Variants in EMSY observed in about 807,000 individuals in gnomAD.
EMSY encodes the protein EMSY transcriptional repressor, BRCA2 interacting.
Under a neutral mutation model 134.6 loss-of-function variants are expected in EMSY, and 26 were observed. The observed-to-expected ratio is 0.19, with a 90% confidence interval of 0.14 to 0.27. The LOEUF (loss-of-function observed/expected upper bound fraction) is 0.27, where lower values mean the gene tolerates loss of function less well. Ranked by LOEUF, EMSY falls within the 10% of genes least tolerant of loss-of-function variation. The probability of loss-of-function intolerance (pLI) is 1.00; values close to 1 mark genes in which losing one functional copy is unlikely to be tolerated. For missense variants in EMSY, 1,305 were observed against 1,611.4 expected (o/e 0.81, Z 3.26); for synonymous variants, 579 against 577.8 (o/e 1.00, Z -0.03).
At chr11:76,537,402 C>T (rs1037495244) in intron 15 of EMSY, among the ~76,000 whole-genome samples, 1 of 152,022 alleles carries the variant, frequency 6.6e-6, no homozygotes, top group Non-Finnish European at 1.5e-5. Flanking sequence ...TAGATGTGTC[C>T]TAGAGCAAAT....
chr11:76,536,878 T>TTTG (rs139186916), intron 15 of EMSY, among the ~76,000 whole-genome samples: 1 of 152,150 alleles, frequency 6.6e-6, no homozygotes, highest in Non-Finnish European at 1.5e-5. Context: ...CTTTTGTATT[T>TTTG]TTGTTGTTGT....
At chr11:76,546,010 G>A (rs955579059) in exon 20 of EMSY, 6 of 1,614,168 alleles carry the variant, frequency 3.7e-6, no homozygotes, top group Admixed American at 1.7e-5. Context: ...TGATACAAAT[G>A]TAGAACATAT....
chr11:76,474,203 A>G (rs1020702201), intron 8 of EMSY, among the ~76,000 whole-genome samples: 1 of 151,924 alleles, frequency 6.6e-6, no homozygotes, highest in Non-Finnish European at 1.5e-5. Flanking sequence ...TGTTCCTCCC[A>G]TATGAAAGAC....
At chr11:76,522,382 T>C (rs932811342) in intron 11 of EMSY, among the ~76,000 whole-genome samples, 84 of 131,512 alleles carry the variant, frequency 6.4e-4, no homozygotes, top group Non-Finnish European at 1.1e-3. Flanking sequence ...TTTTTTTTTT[T>C]CTTGAGATCG....
intron 8 of EMSY, among the ~76,000 whole-genome samples, chr11:76,484,357 A>G (rs1198474214): frequency 5.3e-5 from 8 of 152,232 alleles, no homozygotes; most frequent in African/African-American, 1.4e-4. Flanking sequence ...AAGCAAGAGC[A>G]AACACATTCA....
chr11:76,510,316 C>T (rs1181832417), intron 9 of EMSY, among the ~76,000 whole-genome samples: 10 of 152,330 alleles, frequency 6.6e-5, no homozygotes, highest in Non-Finnish European at 1.2e-4. Flanking sequence ...CACCATTGCA[C>T]TCTACCTTGG....
At position 76,546,308 on chromosome 11, in the gene EMSY, G is replaced by A. The variant is rs2136837686; in HGVS notation, c.3774+11G>A. ...GAAATTATCATCCAGGTAAGAATTG[G>A]AAGGAAAATGAGAAATCTTGTGCAT... On this transcript the variant is annotated intron_variant, in intron 20 of 20. Transcript: ENST00000334736. 1 of 1,595,464 alleles carries A rather than the reference G, an allele frequency of 6.3e-7. No individual in the cohort carries two copies. The highest frequency in any genetic ancestry group is 8.5e-7 in the Non-Finnish European group (1 of 1,171,350).
chr11:76,523,920 T>C (rs928730754), intron 12 of EMSY, among the ~76,000 whole-genome samples: 3 of 151,800 alleles, frequency 2.0e-5, no homozygotes, highest in African/African-American at 7.3e-5. Context: ...TGTAGTAGCA[T>C]GCACCTGTAG....
At chr11:76,496,492 A>G (rs1358316193) in intron 9 of EMSY, 23 bp downstream of exon 10, 3 of 1,611,944 alleles carry the variant, frequency 1.9e-6, no homozygotes, top group Non-Finnish European at 2.5e-6. Flanking sequence ...TGTTTATAAG[A>G]TATGGTAATT....
At chr11:76,468,374 A>G (rs776117922) in intron 7 of EMSY, among the ~76,000 whole-genome samples, 2 of 152,220 alleles carry the variant, frequency 1.3e-5, no homozygotes, top group African/African-American at 2.4e-5. Flanking sequence ...CATTCATTCC[A>G]CAAATATTTA....
At chr11:76,462,904 A>G (rs72944758) in intron 6 of EMSY, among the ~76,000 whole-genome samples, 6,007 of 152,348 alleles carry the variant, frequency 0.039, 166 homozygotes, top group Non-Finnish European at 0.057. Flanking sequence ...TTTTGCAACT[A>G]GTAGTAGGAT....
intron 9 of EMSY, among the ~76,000 whole-genome samples, chr11:76,498,465 C>T (rs1463015900): frequency 6.6e-6 from 1 of 152,146 alleles, no homozygotes; most frequent in Non-Finnish European, 1.5e-5. Context: ...ACTGCAAAAA[C>T]AGCTATCTCA....
chr11:76,464,930 C>T (rs773265843), intron 7 of EMSY, among the ~76,000 whole-genome samples: 9 of 152,196 alleles, frequency 5.9e-5, no homozygotes, highest in East Asian at 1.9e-4. Flanking sequence ...TGTTGGCTTC[C>T]GGCTTCCATT....
At chr11:76,493,241 G>A (rs755924175) in intron 8 of EMSY, among the ~76,000 whole-genome samples, 3 of 152,152 alleles carry the variant, frequency 2.0e-5, no homozygotes, top group Admixed American at 6.5e-5. Context: ...CGCCTGAACC[G>A]CCCCCACCCC....
intron 20 of EMSY, 45 bp from the exon 22 acceptor site, chr11:76,549,907 C>T: frequency 6.4e-6 from 9 of 1,404,574 alleles, no homozygotes; most frequent in Admixed American, 2.4e-5. Context: ...AGTTATTCTG[C>T]TACCTTTTCT....
intron 2 of EMSY, among the ~76,000 whole-genome samples, chr11:76,448,939 A>G (rs1947536832): frequency 1.3e-5 from 2 of 152,152 alleles, no homozygotes; most frequent in Admixed American, 1.3e-4. Context: ...TGAATGTGTC[A>G]GTGCTAGATA....
At chr11:76,505,120 C>T (rs960843442) in intron 9 of EMSY, among the ~76,000 whole-genome samples, 1 of 152,174 alleles carries the variant, frequency 6.6e-6, no homozygotes, top group African/African-American at 2.4e-5. Flanking sequence ...TATTAAATAA[C>T]ATTACATTGT....
rs188110949 is a variant in EMSY at position 76,469,392 on chromosome 11, A to G, written c.832-3172A>G. Among the ~76,000 whole-genome samples the G allele has an allele frequency of 1.1e-3, 170 of 152,164 alleles. 1 individual carries two copies. The highest frequency in any genetic ancestry group is 3.1e-3 in the Admixed American group (48 of 15,286). On this transcript the variant is annotated intron_variant, in intron 7 of 20. Transcript: ENST00000334736. ...AAAGTGAACCCTAATTGCCATTACT[A>G]CTCTAATGGTTTGGCTGTGGCAGCA...
chr11:76,546,397 A>G, intron 20 of EMSY, 100 bp downstream of exon 21: 1 of 1,434,438 alleles, frequency 7.0e-7, no homozygotes, highest in Non-Finnish European at 9.4e-7. Context: ...AAGCCAAGAC[A>G]GCAGGAAGAC....
Sources: allele counts gnomAD v4.1 joint callset (sites outside exome capture counted in the v4.1 genomes callset), GRCh38; gene constraint gnomAD v4.1.1; transcripts MANE v1.5; gene names NCBI Gene and HGNC (gene_info 2026-07-23, HGNC 2026-07-21).